The following AFAP1 variants were observed in gnomAD, a reference collection of about 807,000 sequenced individuals.
AFAP1 encodes the protein actin filament associated protein 1.
Under a neutral mutation model 93.9 loss-of-function variants are expected in AFAP1, and 75 were observed. That is an observed-to-expected ratio of 0.80 (90% CI 0.66 to 0.97). The LOEUF (loss-of-function observed/expected upper bound fraction) is 0.97, where lower values mean the gene tolerates loss of function less well. Among genes scored for constraint, AFAP1 ranks in the 50% least tolerant of loss-of-function variants. AFAP1 has a pLI of 0.00. For missense variants in AFAP1, 1,201 were observed against 1,050.8 expected (o/e 1.14, Z -1.98); for synonymous variants, 517 against 430.7 (o/e 1.20, Z -2.48).
chr4:7,854,177 C>T (rs767837478), intron 4 of AFAP1, among the ~76,000 whole-genome samples: 1 of 152,190 alleles, frequency 6.6e-6, no homozygotes, highest in Non-Finnish European at 1.5e-5. Context: ...TGAGTTATAT[C>T]GAGGCATTTA....
chr4:7,781,344 G>T (rs1716747545), intron 13 of AFAP1, 32 bp downstream of exon 13: 1 of 1,548,552 alleles, frequency 6.5e-7, no homozygotes. Flanking sequence ...CTTGAAGGTG[G>T]TTCTAGAATC....
intron 10 of AFAP1, among the ~76,000 whole-genome samples, chr4:7,797,059 C>T (rs1268555342): frequency 1.5e-5 from 1 of 66,758 alleles, no homozygotes; most frequent in Admixed American, 2.1e-4. Flanking sequence ...GACCTTGTCT[C>T]AAAAATAATA....
intron 6 of AFAP1, 115 bp from the exon 7 acceptor site, chr4:7,819,286 A>C: frequency 2.3e-6 from 2 of 882,420 alleles, no homozygotes; most frequent in Non-Finnish European, 3.3e-6. Context: ...TCATGGGCTC[A>C]AAGCACCTGG....
chr4:7,895,300 A>G (rs1718701325), intron 1 of AFAP1, among the ~76,000 whole-genome samples: 1 of 152,240 alleles, frequency 6.6e-6, no homozygotes, highest in African/African-American at 2.4e-5. Flanking sequence ...AAATGTCATT[A>G]TGTGAAGAAT....
At chr4:7,873,883 C>T (rs1717291585) in intron 1 of AFAP1, among the ~76,000 whole-genome samples, 2 of 152,282 alleles carry the variant, frequency 1.3e-5, no homozygotes, top group East Asian at 3.9e-4. Flanking sequence ...AGAATGAACA[C>T]ATGAGCTCAT....
chr4:7,889,318 G>T (rs1319289332), intron 1 of AFAP1, among the ~76,000 whole-genome samples: 2 of 151,872 alleles, frequency 1.3e-5, no homozygotes, highest in Admixed American at 1.3e-4. Context: ...GGAGGCCAAG[G>T]GGGACGGATC....
intron 3 of AFAP1, among the ~76,000 whole-genome samples, chr4:7,865,672 G>A (rs1171889956): frequency 2.6e-5 from 4 of 152,176 alleles, no homozygotes; most frequent in African/African-American, 7.2e-5. Flanking sequence ...TCAATCATTC[G>A]ATGGTTGAAA....
chr4:7,811,283 A>C (rs1437571408), intron 8 of AFAP1, among the ~76,000 whole-genome samples: 1 of 152,182 alleles, frequency 6.6e-6, no homozygotes, highest in Non-Finnish European at 1.5e-5. Context: ...ACACTTCAGA[A>C]GGTGATGAGA....
rs763238707 is a variant in AFAP1 at position 7,838,646 on chromosome 4, T to C, written c.604A>G (p.Asn202Asp). 1.2e-6 allele frequency: 2 copies of C among 1,614,172 alleles called. No homozygotes were observed. The highest frequency in any genetic ancestry group is 2.2e-5 in the South Asian group (2 of 91,078). The change falls in exon 6 of 18, where the codon AAC becomes GAC. Residue 202 changes from asparagine to aspartate, a missense_variant. Coordinates refer to ENST00000420658, the MANE Select transcript of AFAP1 (RefSeq NM_001134647.2). ...CTGTCTTTCGGGATGTACGTAATGT[T>C]ACAGCCTTGGAGTGGCAGTTCCATC... is the stretch of plus-strand genomic sequence containing the variant. ...PQMELPLQGC[N>D]ITYIPKDSKK...
intron 1 of AFAP1, among the ~76,000 whole-genome samples, chr4:7,935,142 A>C (rs527237170): frequency 6.6e-6 from 1 of 152,292 alleles, no homozygotes; most frequent in African/African-American, 2.4e-5. Flanking sequence ...TCCATTCTTA[A>C]TGGGTTTTTT....
rs1716417122 is a variant in AFAP1 at position 7,866,522 on chromosome 4, C to G, written c.225+2100G>C. ...CAGCTGCTTCTAACTGTTCTCAGTT[C>G]CCGCTCCATCTCAGAACATCTTTCC... On this transcript the variant is annotated intron_variant, in intron 3 of 17. Transcript: ENST00000420658. Among the ~76,000 whole-genome samples, 3 of 152,312 alleles carry G rather than the reference C, an allele frequency of 2.0e-5. No homozygotes were observed. In the South Asian group the frequency reaches 6.2e-4, roughly 32 times the overall value.
chr4:7,836,254 A>C (rs1712280048), intron 6 of AFAP1, among the ~76,000 whole-genome samples: 1 of 152,228 alleles, frequency 6.6e-6, no homozygotes, highest in Admixed American at 6.5e-5. Flanking sequence ...AAGAACTGAA[A>C]TCTGCTTCAA....
At chr4:7,875,171 C>T (rs1365851278) in intron 1 of AFAP1, among the ~76,000 whole-genome samples, 1 of 152,208 alleles carries the variant, frequency 6.6e-6, no homozygotes, top group Admixed American at 6.5e-5. Context: ...AGTTTGAGAG[C>T]TGCTCGTCTG....
At chr4:7,828,351 A>G (rs939476659) in intron 6 of AFAP1, among the ~76,000 whole-genome samples, 2 of 152,250 alleles carry the variant, frequency 1.3e-5, no homozygotes, top group Non-Finnish European at 2.9e-5. Flanking sequence ...AAACTGCTTA[A>G]GATGGTTGCC....
At chr4:7,884,243 T>C (rs9330346) in intron 1 of AFAP1, among the ~76,000 whole-genome samples, 14,444 of 152,252 alleles carry the variant, frequency 0.095, 1,294 homozygotes, top group East Asian at 0.5. Flanking sequence ...TTGTAAAGCC[T>C]GCAGAACTAT....
chr4:7,908,932 C>G (rs1283057632), intron 1 of AFAP1, among the ~76,000 whole-genome samples: 1 of 147,332 alleles, frequency 6.8e-6, no homozygotes, highest in South Asian at 2.2e-4. Flanking sequence ...ACCAAACAAA[C>G]AAAGCTCCAA....
chr4:7,876,262 G>T, intron 1 of AFAP1, among the ~76,000 whole-genome samples: 1 of 152,156 alleles, frequency 6.6e-6, no homozygotes, highest in East Asian at 1.9e-4. Flanking sequence ...CCTGGCCAAG[G>T]TATCTGCCCA....
At chr4:7,824,009 C>T (rs1721208043) in intron 6 of AFAP1, among the ~76,000 whole-genome samples, 2 of 152,190 alleles carry the variant, frequency 1.3e-5, no homozygotes, top group South Asian at 2.1e-4. Context: ...TTCAACCAGT[C>T]GGAGAGGTCA....
At chr4:7,867,865 G>A (rs1716598883) in intron 3 of AFAP1, among the ~76,000 whole-genome samples, 1 of 152,104 alleles carries the variant, frequency 6.6e-6, no homozygotes, top group Non-Finnish European at 1.5e-5. Flanking sequence ...AGGCAGAGCG[G>A]GGGTGATCAA....
Sources: allele counts gnomAD v4.1 joint callset (sites outside exome capture counted in the v4.1 genomes callset), GRCh38; gene constraint gnomAD v4.1.1; transcripts MANE v1.5; gene names NCBI Gene and HGNC (gene_info 2026-07-23, HGNC 2026-07-21).